FHL2: variants seen among roughly 807,000 people sequenced by gnomAD.
The protein encoded by FHL2 is four and a half LIM domains protein 2.
A neutral mutation model predicts 32.7 loss-of-function variants in FHL2; 20 were observed. That is an observed-to-expected ratio of 0.61 (90% CI 0.43 to 0.89). The LOEUF (loss-of-function observed/expected upper bound fraction) is 0.89, where lower values mean the gene tolerates loss of function less well. Among genes scored for constraint, FHL2 ranks in the 40% least tolerant of loss-of-function variants. The probability of loss-of-function intolerance (pLI) is 0.00; values close to 1 mark genes in which losing one functional copy is unlikely to be tolerated. For synonymous variants in FHL2, 123 were observed against 128.1 expected, an observed-to-expected ratio of 0.96 and a Z score of 0.27; for missense variants, 311 against 358.6, an observed-to-expected ratio of 0.87 and a Z score of 1.07.
Position 105,363,471 on chromosome 2 carries a change from G to A in FHL2, c.502C>T (p.Pro168Ser), listed in dbSNP as rs1334950774. ...TAAGTGACCCCTCCCGTGGTGATGG[G>A]CTGCAGGGACGAGGGGGAGAGTTAG... ...HAMQCVQCKK[P>S]ITTGGVTYRE... Residue 168 changes from proline to serine, a missense_variant and splice_region_variant, in exon 6 of 7, where the codon CCC (proline) becomes TCC (serine). Coordinates refer to ENST00000530340, the MANE Select transcript of FHL2 (RefSeq NM_001318895.3). 6.2e-7 allele frequency: 1 copy of A among 1,604,950 alleles called. No individual in the cohort carries two copies. Among genetic ancestry groups the A allele is most frequent in the South Asian group, 1.1e-5 (1 of 89,412 alleles).
At chr2:105,400,944 G>A (rs2104641295), upstream of FHL2, among the ~76,000 whole-genome samples, 1 of 151,382 alleles carries the variant, frequency 6.6e-6, no homozygotes, top group East Asian at 1.9e-4. Flanking sequence ...CCGGACTCTG[G>A]AAACAAACAT....
At chr2:105,408,697 G>A (rs796922750) in intron 1 of FHL2, among the ~76,000 whole-genome samples, 44 of 152,332 alleles carry the variant, frequency 2.9e-4, no homozygotes, top group African/African-American at 1.1e-3. Context: ...TAGATGCAGA[G>A]TTTGGAGGAG....
At chr2:105,406,806 C>T (rs996685221) in intron 1 of FHL2, among the ~76,000 whole-genome samples, 7 of 152,190 alleles carry the variant, frequency 4.6e-5, no homozygotes, top group East Asian at 1.9e-4. Flanking sequence ...GTTCTACCTG[C>T]GGCCAGTGAG....
chr2:105,375,294 CTT>C (rs1296454885), intron 3 of FHL2: 1 of 152,208 alleles, frequency 6.6e-6, no homozygotes, highest in Non-Finnish European at 1.5e-5. Flanking sequence ...CGCTGAGACA[CTT>C]TGAAGACAGT....
intron 2 of FHL2, among the ~76,000 whole-genome samples, chr2:105,394,004 A>G (rs1682928469): frequency 6.6e-6 from 1 of 152,210 alleles, no homozygotes; most frequent in Non-Finnish European, 1.5e-5. Context: ...CACGGGCTCC[A>G]GGTGTCAGCA....
At chr2:105,360,417 T>C (rs925305017), downstream of FHL2, 4 of 150,726 alleles carry the variant, frequency 2.7e-5, no homozygotes, top group African/African-American at 9.8e-5. Context: ...AGTTCAGTGG[T>C]GCCATCTCAG....
At chr2:105,419,763 C>T (rs1032824929) in intron 1 of FHL2, among the ~76,000 whole-genome samples, 4 of 152,168 alleles carry the variant, frequency 2.6e-5, no homozygotes, top group Non-Finnish European at 5.9e-5. Context: ...CTATGAATGT[C>T]CCTTCACATA....
intron 1 of FHL2, among the ~76,000 whole-genome samples, chr2:105,405,926 A>T (rs1469691078): frequency 6.6e-6 from 1 of 152,234 alleles, no homozygotes; most frequent in African/African-American, 2.4e-5. Flanking sequence ...GTTATTTCAC[A>T]TTATCTAGTT....
At chr2:105,365,429 G>A (rs988463012) in intron 5 of FHL2, among the ~76,000 whole-genome samples, 150 of 152,192 alleles carry the variant, frequency 9.9e-4, no homozygotes, top group African/African-American at 3.5e-3. Context: ...CCAGAAGGAT[G>A]TGTTGCTTTC....
chr2:105,372,925 C>T (rs1261054627), intron 4 of FHL2, among the ~76,000 whole-genome samples: 1 of 152,178 alleles, frequency 6.6e-6, no homozygotes, highest in African/African-American at 2.4e-5. Context: ...ATTCTGCTCT[C>T]CTACATAAAA....
intron 1 of FHL2, among the ~76,000 whole-genome samples, chr2:105,426,923 TC>T (rs1467166912): frequency 6.6e-6 from 1 of 152,238 alleles, no homozygotes; most frequent in African/African-American, 2.4e-5. Flanking sequence ...GCTTTTTCTT[TC>T]TTTTCCTTTT....
chr2:105,429,410 A>T (rs576869038), intron 1 of FHL2, among the ~76,000 whole-genome samples: 1 of 152,202 alleles, frequency 6.6e-6, no homozygotes, highest in Admixed American at 6.5e-5. Flanking sequence ...ACATCCCCCA[A>T]TGTAATCACC....
At chr2:105,433,256 C>T (rs1249120034) in intron 1 of FHL2, among the ~76,000 whole-genome samples, 2 of 151,460 alleles carry the variant, frequency 1.3e-5, no homozygotes, top group Admixed American at 1.3e-4. Context: ...TCTCAGCTCA[C>T]TGCAACCTCC....
rs758853943 is a variant in FHL2 at position 105,398,889 on chromosome 2, C to A, written c.-123G>T. ...GCTCCCCTCTCCTTGGGTCTCGCACCGGATTCGGCCCCCACTTCCGAGCCC... is the reference window on the plus strand; with the variant it reads ...GCTCCCCTCTCCTTGGGTCTCGCACAGGATTCGGCCCCCACTTCCGAGCCC... On this transcript the variant is annotated 5_prime_UTR_variant, in exon 1 of 7. Transcript: ENST00000530340. The A allele has an allele frequency of 3.3e-6, 5 of 1,523,730 alleles. No homozygotes were observed. Among genetic ancestry groups the A allele is most frequent in the East Asian group, 5.4e-5 (2 of 37,306 alleles). 94.4% of individuals were successfully genotyped at this position (1,523,730 alleles called of 1,614,324 possible).
intron 2 of FHL2, among the ~76,000 whole-genome samples, chr2:105,394,402 TAA>T (rs879678000): frequency 2.1e-5 from 3 of 145,476 alleles, no homozygotes; most frequent in Non-Finnish European, 4.5e-5. Context: ...ACCCGGTCTC[TAA>T]AAAAAAAAAA....
intron 3 of FHL2, among the ~76,000 whole-genome samples, chr2:105,379,733 C>A (rs956352246): frequency 6.6e-6 from 1 of 152,174 alleles, no homozygotes. Context: ...ATCTCCATGC[C>A]TTTGACCATA....
chr2:105,411,551 T>TG (rs1342471522), intron 1 of FHL2, among the ~76,000 whole-genome samples: 2 of 148,344 alleles, frequency 1.3e-5, no homozygotes, highest in Admixed American at 6.7e-5. Context: ...TTTTTTTTTT[T>TG]TTTTTTTTTT....
chr2:105,368,377 G>A (rs1573291344), intron 4 of FHL2, among the ~76,000 whole-genome samples: 1 of 152,226 alleles, frequency 6.6e-6, no homozygotes, highest in East Asian at 1.9e-4. Flanking sequence ...TGTCACCCAG[G>A]CTGGAGTGCA....
chr2:105,367,209 A>T (rs935113067), intron 5 of FHL2, among the ~76,000 whole-genome samples: 1 of 151,822 alleles, frequency 6.6e-6, no homozygotes, highest in African/African-American at 2.4e-5. Context: ...TCTCCCTCTC[A>T]AGTTTGCAGT....
Sources: allele counts gnomAD v4.1 joint callset (sites outside exome capture counted in the v4.1 genomes callset), GRCh38; gene constraint gnomAD v4.1.1; transcripts MANE v1.5; gene names NCBI Gene and HGNC (gene_info 2026-07-23, HGNC 2026-07-21).